MXD3: variants seen among roughly 807,000 people sequenced by gnomAD.
The protein encoded by MXD3 is MAX dimerization protein 3, also known as Max-associated protein 3.
Under a neutral mutation model 27.5 loss-of-function variants are expected in MXD3, and 20 were observed. The observed-to-expected ratio is 0.73, with a 90% CI of 0.51 to 1.06. MXD3 has a LOEUF of 1.06. Ranked by LOEUF, MXD3 falls within the 50% of genes least tolerant of loss-of-function variation. MXD3 has a pLI of 0.00. For missense variants in MXD3, 298 were observed against 291.3 expected (o/e 1.02, Z -0.17); for synonymous variants, 150 against 130.7 (o/e 1.15, Z -1.01).
At chr5:177,311,061 GGGAGA>G (rs1761022480) in intron 2 of MXD3, 2 of 545,362 alleles carry the variant, frequency 3.7e-6, no homozygotes, top group Non-Finnish European at 6.5e-6. Flanking sequence ...CAAAGGGCTG[GGGAGA>G]GGAGAGAAGA....
chr5:177,306,317 C>T, downstream of MXD3: 1 of 1,585,458 alleles, frequency 6.3e-7, no homozygotes, highest in Non-Finnish European at 8.6e-7. Context: ...TGAATACCAC[C>T]TTTTTAGTGG....
chr5:177,310,103 C>G (rs1021382501), intron 4 of MXD3, among the ~76,000 whole-genome samples: 11 of 152,216 alleles, frequency 7.2e-5, no homozygotes, highest in African/African-American at 2.7e-4. Context: ...ATCCCCTCCC[C>G]TCAAACAGGA....
chr5:177,310,657 C>T lies in MXD3; in HGVS notation c.206+11G>A, dbSNP rs755158669. On this transcript the variant is annotated intron_variant, in intron 3 of 5. Coordinates refer to ENST00000439742, the MANE Select transcript of MXD3 (RefSeq NM_031300.4). Reference sequence around the variant, plus strand: ...GGGGGCTGGCGCTGTCAGGGCAGGACTGGGACTCACCTGCGCTTCTCCAGT... The same window carrying T: ...GGGGGCTGGCGCTGTCAGGGCAGGATTGGGACTCACCTGCGCTTCTCCAGT... 2 of 1,614,210 alleles carry T rather than the reference C, an allele frequency of 1.2e-6. No individual in the cohort carries two copies. Among genetic ancestry groups the T allele is most frequent in the South Asian group, 1.1e-5 (1 of 91,088 alleles).
chr5:177,311,288 A>C, intron 2 of MXD3, 91 bp downstream of exon 2: 6 of 882,098 alleles, frequency 6.8e-6, no homozygotes, highest in African/African-American at 1.8e-5. Flanking sequence ...CACCTGGCCC[A>C]AAAGATGCAA....
chr5:177,310,005 G>T (rs1470293828), intron 4 of MXD3, among the ~76,000 whole-genome samples: 1 of 152,174 alleles, frequency 6.6e-6, no homozygotes, highest in African/African-American at 2.4e-5. Context: ...ATAACAGGAG[G>T]CCTTGAAGGT....
chr5:177,305,821 A>G (rs374037344), downstream of MXD3: 33 of 1,516,228 alleles, frequency 2.2e-5, no homozygotes, highest in East Asian at 4.5e-4. Context: ...TTTATGTGCA[A>G]GTTGGCAAAA....
upstream of MXD3, chr5:177,312,144 A>C (rs903591108): frequency 7.1e-5 from 76 of 1,066,174 alleles, no homozygotes; most frequent in Admixed American, 8.5e-4. Flanking sequence ...TGCCCGCCTC[A>C]CTCATCCACC....
chr5:177,312,305 GGCCGCCGC>G, upstream of MXD3: 5 of 986,622 alleles, frequency 5.1e-6, no homozygotes, highest in Non-Finnish European at 6.0e-6. Context: ...CGGGGCCTCC[GGCCGCCGC>G]TCGCCCATTC....
chr5:177,305,775 A>G (rs774717851), downstream of MXD3: 57 of 989,460 alleles, frequency 5.8e-5, 1 homozygote, highest in African/African-American at 9.5e-5. Flanking sequence ...TTTTCATTGT[A>G]TTGCTTCGCC....
downstream of MXD3, chr5:177,306,823 C>T (rs561463924): frequency 5.3e-6 from 4 of 751,006 alleles, no homozygotes; most frequent in Admixed American, 2.9e-5. Flanking sequence ...CTCCAGGTAG[C>T]CTGCAGGTTA....
intron 1 of MXD3, 92 bp downstream of exon 1, chr5:177,311,669 G>A: frequency 7.3e-7 from 1 of 1,378,410 alleles, no homozygotes; most frequent in Non-Finnish European, 9.9e-7. Flanking sequence ...ACTGTCCTAG[G>A]GCGGTGCATC....
At chr5:177,312,284 TGCCGCGGGGGCGGGGCCTCCG>T (rs1761057086), upstream of MXD3, 1 of 986,294 alleles carries the variant, frequency 1.0e-6, no homozygotes, top group African/African-American at 1.8e-5. Flanking sequence ...TGCACGTGGG[TGCCGCGGGGGCGGGGCCTCCG>T]GCCGCCGCTC....
downstream of MXD3, chr5:177,307,100 C>T: frequency 6.7e-7 from 1 of 1,492,510 alleles, no homozygotes; most frequent in Non-Finnish European, 8.9e-7. Context: ...AAGTGCACTG[C>T]CTGGCACGGC....
At chr5:177,312,285 G>A (rs1407735633), upstream of MXD3, 2 of 986,594 alleles carry the variant, frequency 2.0e-6, no homozygotes, top group African/African-American at 1.7e-5. Flanking sequence ...GCACGTGGGT[G>A]CCGCGGGGGC....
upstream of MXD3, chr5:177,312,377 C>T (rs899635132): frequency 5.1e-6 from 5 of 985,760 alleles, no homozygotes; most frequent in Non-Finnish European, 6.0e-6. Context: ...GGTCGGGGAG[C>T]CTCTGATGCC....
intron 4 of MXD3, 109 bp downstream of exon 4, chr5:177,310,317 G>T: frequency 1.3e-6 from 1 of 781,496 alleles, no homozygotes; most frequent in Non-Finnish European, 2.0e-6. Flanking sequence ...AAGTCACACA[G>T]TTCTTGAGCT....
Position 177,311,455 on chromosome 5 carries a change from G to A in MXD3, c.100C>T (p.Pro34Ser), listed in dbSNP as rs1245723009. Reference sequence around the variant, plus strand: ...TGGATGGGGCCTGGACTGCGATGCGGGCACAGGGACGCATAACCATGCTCG... The same window carrying A: ...TGGATGGGGCCTGGACTGCGATGCGAGCACAGGGACGCATAACCATGCTCG... ...EAEHGYASLC[P>S]HRSPGPIHRR... The change falls in exon 2 of 6, where the codon CCG becomes TCG. Residue 34 changes from proline to serine, a missense_variant. By Grantham distance (74) the Pro-to-Ser change is moderately conservative (BLOSUM62 -1). Transcript: ENST00000439742. 4 of 1,434,154 alleles carry A rather than the reference G, an allele frequency of 2.8e-6. No homozygotes were observed. Among genetic ancestry groups the A allele is most frequent in the South Asian group, 1.5e-5 (1 of 65,720 alleles). The allele number at this position is 1,434,154 out of a possible 1,614,324, so 88.8% of individuals were successfully genotyped here. A position where few individuals can be genotyped will look rare whatever the true frequency, so the allele number is the denominator to read the frequency against.
chr5:177,310,545 G>A lies in MXD3; in HGVS notation c.207-5C>T. Reference sequence around the variant, plus strand: ...CACCGCTTCAACTGGGCCCTCCTGTGGGGAAGAGGTCTGGAGGGCAGTGCC... The same window carrying A: ...CACCGCTTCAACTGGGCCCTCCTGTAGGGAAGAGGTCTGGAGGGCAGTGCC... On this transcript the variant is annotated splice_polypyrimidine_tract_variant and splice_region_variant and intron_variant, in intron 3 of 5. Coordinates refer to ENST00000439742, the MANE Select transcript of MXD3 (RefSeq NM_031300.4). 2 of 1,611,150 alleles carry A rather than the reference G, an allele frequency of 1.2e-6. No homozygotes were observed. Among genetic ancestry groups the A allele is most frequent in the Non-Finnish European group, 1.7e-6 (2 of 1,178,630 alleles).
rs1350206294 is a variant in MXD3 at position 177,310,558 on chromosome 5, G to A, written c.207-18C>T. On this transcript the variant is annotated intron_variant, in intron 3 of 5. Coordinates refer to ENST00000439742, the MANE Select transcript of MXD3 (RefSeq NM_031300.4). ...GGGCCCTCCTGTGGGGAAGAGGTCT[G>A]GAGGGCAGTGCCAGCCCCACCTTGC... 1.2e-6 allele frequency: 2 copies of A among 1,611,140 alleles called. No homozygotes were observed. Among genetic ancestry groups the A allele is most frequent in the African/African-American group, 1.3e-5 (1 of 74,886 alleles).
Sources: allele counts gnomAD v4.1 joint callset (sites outside exome capture counted in the v4.1 genomes callset), GRCh38; gene constraint gnomAD v4.1.1; transcripts MANE v1.5; gene names NCBI Gene and HGNC (gene_info 2026-07-23, HGNC 2026-07-21).